The following PPP3CC variants were observed in gnomAD, a reference collection of about 807,000 sequenced individuals.
PPP3CC encodes the protein serine/threonine-protein phosphatase 2B catalytic subunit gamma isoform.
PPP3CC carries 35 observed loss-of-function variants against 60.3 expected under a neutral mutation model. The observed-to-expected ratio is 0.58, with a 90% CI of 0.44 to 0.77. PPP3CC has a LOEUF of 0.77. Among genes scored for constraint, PPP3CC ranks in the 30% least tolerant of loss-of-function variants. The pLI is 0.00. For synonymous variants in PPP3CC, 206 were observed against 224.3 expected, an observed-to-expected ratio of 0.92 and a Z score of 0.73; for missense variants, 570 against 628.9, an observed-to-expected ratio of 0.91 and a Z score of 1.00.
intron 4 of PPP3CC, 110 bp downstream of exon 4, chr8:22,498,222 G>T (rs1011746920): frequency 1.4e-5 from 8 of 588,162 alleles, no homozygotes; most frequent in African/African-American, 1.9e-5. Context: ...TTCCTGTCCT[G>T]TTGTTATTTT....
intron 3 of PPP3CC, among the ~76,000 whole-genome samples, chr8:22,489,713 G>T (rs1332490312): frequency 2.6e-4 from 34 of 131,424 alleles, no homozygotes; most frequent in African/African-American, 9.4e-4. Flanking sequence ...TTATATATAA[G>T]TATATATTAT....
At chr8:22,449,086 G>A (rs1836925485) in intron 1 of PPP3CC, among the ~76,000 whole-genome samples, 1 of 151,992 alleles carries the variant, frequency 6.6e-6, no homozygotes, top group Admixed American at 6.6e-5. Flanking sequence ...GTTCCAGCTT[G>A]GGTGACACAG....
chr8:22,461,007 G>A (rs891744519), intron 1 of PPP3CC, among the ~76,000 whole-genome samples: 7 of 151,888 alleles, frequency 4.6e-5, no homozygotes, highest in African/African-American at 4.8e-5. Flanking sequence ...CACCATGCCC[G>A]GCTAATTTTT....
At chr8:22,524,706 C>G (rs2117125802) in intron 8 of PPP3CC, among the ~76,000 whole-genome samples, 1 of 152,300 alleles carries the variant, frequency 6.6e-6, no homozygotes, top group Non-Finnish European at 1.5e-5. Flanking sequence ...AAAAGAGTAT[C>G]TATTGATTGC....
chr8:22,536,212 C>T (rs1349084231), intron 12 of PPP3CC, among the ~76,000 whole-genome samples: 3 of 152,164 alleles, frequency 2.0e-5, no homozygotes, highest in African/African-American at 7.2e-5. Flanking sequence ...ATATTTTTCT[C>T]AAATAAATGT....
intron 1 of PPP3CC, among the ~76,000 whole-genome samples, chr8:22,449,634 A>G (rs1836944766): frequency 6.6e-6 from 1 of 151,966 alleles, no homozygotes; most frequent in South Asian, 2.1e-4. Context: ...CAGAAAAAGT[A>G]GTGGTTTCAG....
chr8:22,537,752 G>A (rs1260986217), intron 12 of PPP3CC, among the ~76,000 whole-genome samples: 1 of 152,202 alleles, frequency 6.6e-6, no homozygotes, highest in Non-Finnish European at 1.5e-5. Flanking sequence ...ATGTCAACAT[G>A]ACTGAACCTT....
At chr8:22,533,047 G>A (rs1839759886) in intron 12 of PPP3CC, 29 bp downstream of exon 12, 3 of 1,488,722 alleles carry the variant, frequency 2.0e-6, no homozygotes, top group Non-Finnish European at 1.8e-6. Context: ...CTCCATGGAA[G>A]GTGTGCTCCC....
intron 4 of PPP3CC, among the ~76,000 whole-genome samples, chr8:22,500,857 G>GT (rs1467495670): frequency 6.6e-6 from 1 of 152,160 alleles, no homozygotes; most frequent in African/African-American, 2.4e-5. Context: ...GTTGGTGGAT[G>GT]TTTAAATTGG....
chr8:22,469,453 A>G (rs1837647635), intron 1 of PPP3CC, among the ~76,000 whole-genome samples: 1 of 152,144 alleles, frequency 6.6e-6, no homozygotes, highest in South Asian at 2.1e-4. Flanking sequence ...CCTAACAAAA[A>G]TGTATTGTAC....
intron 1 of PPP3CC, among the ~76,000 whole-genome samples, chr8:22,443,491 A>C (rs1836735756): frequency 6.8e-6 from 1 of 146,206 alleles, no homozygotes; most frequent in Admixed American, 7.0e-5. Flanking sequence ...ACTGCATTCC[A>C]GTCTGGGCAA....
intron 1 of PPP3CC, among the ~76,000 whole-genome samples, chr8:22,459,852 A>G (rs1044555367): frequency 2.0e-4 from 31 of 152,110 alleles, no homozygotes; most frequent in African/African-American, 1.2e-4. Flanking sequence ...GGGGTAGACT[A>G]TTTTCTTAGA....
intron 3 of PPP3CC, among the ~76,000 whole-genome samples, chr8:22,484,320 A>T (rs890641789): frequency 1.3e-5 from 2 of 152,134 alleles, no homozygotes; most frequent in Admixed American, 1.3e-4. Flanking sequence ...TTTATTATGT[A>T]GACACAGCAT....
chr8:22,460,756 G>A (rs1002719486), intron 1 of PPP3CC, among the ~76,000 whole-genome samples: 2 of 152,174 alleles, frequency 1.3e-5, no homozygotes, highest in African/African-American at 4.8e-5. Flanking sequence ...CGAGGCTACC[G>A]TGAGGCATGA....
intron 3 of PPP3CC, among the ~76,000 whole-genome samples, chr8:22,478,867 A>G (rs1330115406): frequency 6.6e-6 from 1 of 152,234 alleles, no homozygotes; most frequent in Admixed American, 6.5e-5. Flanking sequence ...TGTTGAATGA[A>G]TGAATGTTAA....
At chr8:22,538,161 C>T (rs1304453964) in intron 12 of PPP3CC, among the ~76,000 whole-genome samples, 1 of 152,138 alleles carries the variant, frequency 6.6e-6, no homozygotes, top group Non-Finnish European at 1.5e-5. Context: ...TCTTTATACC[C>T]AATGTGAATA....
In PPP3CC at chr8:22,532,956, T is replaced by C; in HGVS notation, c.1259T>C (p.Leu420Pro). The C allele has an allele frequency of 6.2e-7, 1 of 1,605,174 alleles. No individual in the cohort carries two copies. The highest frequency in any genetic ancestry group is 1.7e-5 in the Admixed American group (1 of 59,070). Reference protein sequence around the residue: ...ESESVLTLKGLTPTGTLPLGV... With the variant: ...ESESVLTLKGPTPTGTLPLGV... ...GAGAGTGTGCTGACTCTCAAGGGCC[T>C]GACTCCCACAGGCACACTCCCTCTG... The change falls in exon 12 of 14, where the codon CTG (leucine) becomes CCG (proline). Residue 420 changes from leucine (L) to proline (P), a missense_variant. Leu to Pro is a moderately conservative substitution (Grantham distance 98, BLOSUM62 -3). Coordinates refer to ENST00000240139, the MANE Select transcript of PPP3CC (RefSeq NM_005605.5).
At chr8:22,508,453 C>T (rs528844860) in intron 4 of PPP3CC, among the ~76,000 whole-genome samples, 26 of 152,114 alleles carry the variant, frequency 1.7e-4, no homozygotes, top group Non-Finnish European at 3.8e-4. Context: ...TATTTCATAG[C>T]CTATTTTATT....
At chr8:22,510,182 CAA>C (rs71546815) in intron 4 of PPP3CC, among the ~76,000 whole-genome samples, 5 of 88,268 alleles carry the variant, frequency 5.7e-5, no homozygotes, top group African/African-American at 1.3e-4. Context: ...GACTCCGTCT[CAA>C]AAAAAAAAAA....
Sources: gnomAD v4.1 joint callset for allele counts (sites outside exome capture counted in the v4.1 genomes callset) on GRCh38, gnomAD v4.1.1 for gene constraint, MANE v1.5 for transcripts, NCBI Gene and HGNC (gene_info 2026-07-23, HGNC 2026-07-21) for gene names.